DCTD: variants seen among roughly 807,000 people sequenced by gnomAD.
The protein encoded by DCTD is dCMP deaminase, also known as deoxycytidylate deaminase.
Under a neutral mutation model 21.0 loss-of-function variants are expected in DCTD, and 23 were observed. That is an observed-to-expected ratio of 1.09 (90% CI 0.79 to 1.55). The LOEUF is 1.55. Among genes scored for constraint, DCTD ranks in the 40% most tolerant of loss-of-function variants. DCTD has a pLI of 0.00. For missense variants in DCTD, 224 were observed against 230.0 expected, an observed-to-expected ratio of 0.97 and a Z score of 0.17; for synonymous variants, 71 against 81.1, an observed-to-expected ratio of 0.88 and a Z score of 0.67.
intron 3 of DCTD, among the ~76,000 whole-genome samples, chr4:182,905,427 C>T (rs903962033): frequency 2.0e-5 from 3 of 150,070 alleles, no homozygotes; most frequent in Admixed American, 1.3e-4. Context: ...CTCCCAGTTT[C>T]AAGCAATTCT....
chr4:182,891,693 G>T lies in DCTD; in HGVS notation c.459-216C>A, dbSNP rs78745404. 3.8e-3 allele frequency among the ~76,000 whole-genome samples: 578 copies of T among 152,276 alleles called. 4 individuals carry two copies. The highest frequency in any genetic ancestry group is 0.013 in the African/African-American group (559 of 41,554). On this transcript the variant is annotated intron_variant, in intron 5 of 5. Coordinates refer to ENST00000438320, the MANE Select transcript of DCTD (RefSeq NM_001921.3). ...AAAGATGCATGGGGTGGTGTGGTTTGTATGTTTTCAGCTCTCTGAGTTCAC... is the reference window on the plus strand; with the variant it reads ...AAAGATGCATGGGGTGGTGTGGTTTTTATGTTTTCAGCTCTCTGAGTTCAC...
intron 3 of DCTD, among the ~76,000 whole-genome samples, chr4:182,898,740 T>C (rs1447943220): frequency 6.6e-6 from 1 of 152,208 alleles, no homozygotes. Context: ...ATTCTTTTTT[T>C]CCTCCTTTCA....
chr4:182,917,389 G>C (rs1233642860), upstream of DCTD: 22 of 1,085,642 alleles, frequency 2.0e-5, no homozygotes, highest in Non-Finnish European at 2.3e-5. The surrounding 1 kb of genome is among the most constrained non-coding windows in gnomAD (Gnocchi z 4.9). Flanking sequence ...CGGGGGAGGA[G>C]GCGGGGCCGC....
At chr4:182,904,470 T>C (rs1398825051) in intron 3 of DCTD, among the ~76,000 whole-genome samples, 1 of 152,192 alleles carries the variant, frequency 6.6e-6, no homozygotes, top group Non-Finnish European at 1.5e-5. Flanking sequence ...TGTGTGTTAA[T>C]AGCGTTTAGA....
At chr4:182,903,901 T>C (rs1299917571) in intron 3 of DCTD, among the ~76,000 whole-genome samples, 3 of 152,034 alleles carry the variant, frequency 2.0e-5, no homozygotes, top group Non-Finnish European at 4.4e-5. Context: ...AAAGTCCCTC[T>C]CCAAGAACGG....
intron 4 of DCTD, among the ~76,000 whole-genome samples, chr4:182,893,633 GC>G (rs771986361): frequency 1.1e-4 from 16 of 152,340 alleles, no homozygotes; most frequent in Admixed American, 2.6e-4. Context: ...AATCCCAAGG[GC>G]CCCGCACTGA....
chr4:182,912,463 G>A (rs926105447), intron 3 of DCTD, among the ~76,000 whole-genome samples: 2 of 152,126 alleles, frequency 1.3e-5, no homozygotes, highest in African/African-American at 4.8e-5. Context: ...ATGAATAATT[G>A]ATAAGTAAGA....
intron 3 of DCTD, among the ~76,000 whole-genome samples, chr4:182,908,461 C>A (rs1367310017): frequency 6.6e-6 from 1 of 152,054 alleles, no homozygotes; most frequent in African/African-American, 2.4e-5. Context: ...GCGGGTGGAT[C>A]ACCTGAGGTC....
At chr4:182,906,176 T>C (rs1006454213) in intron 3 of DCTD, among the ~76,000 whole-genome samples, 4 of 152,000 alleles carry the variant, frequency 2.6e-5, no homozygotes, top group Non-Finnish European at 4.4e-5. Context: ...CTAACAAATA[T>C]CATAAATTTG....
chr4:182,901,279 AG>A (rs1419636751), intron 3 of DCTD, among the ~76,000 whole-genome samples: 1 of 152,218 alleles, frequency 6.6e-6, no homozygotes, highest in Non-Finnish European at 1.5e-5. Context: ...GAGATGTGAC[AG>A]GAACTACTGG....
rs1258806042 is a variant in DCTD at position 182,917,386 on chromosome 4, G to C, written c.-83C>G. The stretch of plus-strand genomic sequence containing the variant: ...GTGCTCAGGGAAGGAAGTCGGGGGA[G>C]GAGGCGGGGCCGCCGCGGGGCCGGA... On this transcript the variant is annotated 5_prime_UTR_variant, in exon 1 of 6. Transcript: ENST00000438320. This position sits in a 1 kb window ranked among gnomAD's most constrained non-coding sequence, Gnocchi z 4.9. The C allele has an allele frequency of 2.0e-5, 22 of 1,087,120 alleles. No homozygotes were observed. Among genetic ancestry groups the C allele is most frequent in the Non-Finnish European group, 2.3e-5 (21 of 895,652 alleles). 67.3% of individuals were successfully genotyped at this position (1,087,120 alleles called of 1,614,324 possible). A position where few individuals can be genotyped will look rare whatever the true frequency, so the allele number is the denominator to read the frequency against.
chr4:182,915,821 C>T, intron 1 of DCTD: 7 of 1,117,110 alleles, frequency 6.3e-6, no homozygotes, highest in Non-Finnish European at 8.0e-6. Context: ...AATATTTCAT[C>T]TATTTACTGC....
chr4:182,915,738 G>C, intron 1 of DCTD, 163 bp from the exon 2 acceptor site: 1 of 718,530 alleles, frequency 1.4e-6, no homozygotes, highest in Non-Finnish European at 2.2e-6. Flanking sequence ...AACAGTCTCT[G>C]GTCTTAAGTA....
chr4:182,892,305 T>C (rs1417600756), intron 5 of DCTD, among the ~76,000 whole-genome samples: 2 of 152,116 alleles, frequency 1.3e-5, no homozygotes, highest in African/African-American at 4.8e-5. Flanking sequence ...AAGTAAAATA[T>C]AGCTCACAAC....
At position 182,906,093 on chromosome 4, in the gene DCTD, G is replaced by A. The variant is rs1450300469; in HGVS notation, c.244+8830C>T. Among the ~76,000 whole-genome samples the A allele has an allele frequency of 3.9e-5, 6 of 151,962 alleles. No individual in the cohort carries two copies. In the East Asian group the frequency reaches 1.2e-3, roughly 29 times the overall value. ...CACCACGTCACCTCCCGGCTGGCGA[G>A]TCGCTGTTTCCACTCTTGCCCCAGA... On this transcript the variant is annotated intron_variant, in intron 3 of 5. Transcript: ENST00000438320.
intron 3 of DCTD, among the ~76,000 whole-genome samples, chr4:182,909,049 CAT>C (rs1398735180): frequency 6.6e-6 from 1 of 152,200 alleles, no homozygotes; most frequent in Non-Finnish European, 1.5e-5. Flanking sequence ...CTTTTCCTAA[CAT>C]GTGTGCTCTT....
Position 182,917,276 on chromosome 4 carries a change from C to T in DCTD, c.-8+35G>A, listed in dbSNP as rs940718986. 10 of 1,036,414 alleles carry T rather than the reference C, an allele frequency of 9.6e-6. No individual in the cohort carries two copies. In the African/African-American group the frequency reaches 1.7e-4, roughly 18 times the overall value. The allele number at this position is 1,036,414 out of a possible 1,614,324, so 64.2% of individuals were successfully genotyped here. Reference sequence around the variant, plus strand: ...CCACGCGGCGGTGGCTAGGGGCGCGCGGGCCGCGTACCCGCACGGCTGGCC... The same window carrying T: ...CCACGCGGCGGTGGCTAGGGGCGCGTGGGCCGCGTACCCGCACGGCTGGCC... On this transcript the variant is annotated intron_variant, in intron 1 of 5. Transcript: ENST00000438320. The surrounding 1 kb of genome is among the most constrained non-coding windows in gnomAD (Gnocchi z 4.9).
At chr4:182,898,948 G>A (rs34446316) in intron 3 of DCTD, among the ~76,000 whole-genome samples, 35,041 of 152,176 alleles carry the variant, frequency 0.23, 4,497 homozygotes, top group Non-Finnish European at 0.3. Flanking sequence ...AAGGATAGAG[G>A]TCAGAATGGA....
At chr4:182,899,313 C>A (rs1401337009) in intron 3 of DCTD, among the ~76,000 whole-genome samples, 1 of 152,024 alleles carries the variant, frequency 6.6e-6, no homozygotes, top group African/African-American at 2.4e-5. Flanking sequence ...TCTGTAGGTC[C>A]TTTTATTTTT....
Sources: gnomAD v4.1 joint callset for allele counts (sites outside exome capture counted in the v4.1 genomes callset) on GRCh38, gnomAD v4.1.1 for gene constraint, Gnocchi (gnomAD v3.1) non-coding constraint, MANE v1.5 for transcripts, NCBI Gene and HGNC (gene_info 2026-07-23, HGNC 2026-07-21) for gene names.